Variants in MAD1L1 observed in about 807,000 individuals in gnomAD.
The protein encoded by MAD1L1 is mitotic spindle assembly checkpoint protein MAD1.
MAD1L1 carries 95 observed loss-of-function variants against 96.9 expected under a neutral mutation model. The ratio of observed to expected loss-of-function variants is 0.98; its 90% CI spans 0.83 to 1.16. The LOEUF is 1.16. Ranked by LOEUF, MAD1L1 falls within the 50% of genes most tolerant of loss-of-function variation. The probability of loss-of-function intolerance (pLI) is 0.00; values close to 1 mark genes in which losing one functional copy is unlikely to be tolerated. For synonymous variants in MAD1L1, 473 were observed against 396.6 expected (o/e 1.19, Z -2.29); for missense variants, 1,007 against 954.4 (o/e 1.06, Z -0.73).
chr7:1,915,601 G>A (rs117802289), intron 17 of MAD1L1, among the ~76,000 whole-genome samples: 2,731 of 152,362 alleles, frequency 0.018, 34 homozygotes, highest in South Asian at 0.037. Context: ...GGTCGGCTGC[G>A]TGGGACTGCT....
At chr7:1,929,465 C>T (rs1043945970) in intron 17 of MAD1L1, among the ~76,000 whole-genome samples, 7 of 152,168 alleles carry the variant, frequency 4.6e-5, no homozygotes, top group Admixed American at 1.3e-4. Flanking sequence ...GGCTCCTATC[C>T]GCCAAGGGCC....
At chr7:2,106,266 C>T (rs1296212047) in intron 11 of MAD1L1, among the ~76,000 whole-genome samples, 3 of 152,126 alleles carry the variant, frequency 2.0e-5, no homozygotes, top group Admixed American at 2.0e-4. Context: ...CACGGCAGGC[C>T]GCTTCTCTAT....
chr7:2,061,354 TTAAAA>T (rs141754105), intron 12 of MAD1L1, among the ~76,000 whole-genome samples: 8,857 of 151,360 alleles, frequency 0.059, 378 homozygotes, highest in Admixed American at 0.11. Context: ...AATAATAAAA[TTAAAA>T]TAAAATAAAA....
chr7:1,876,133 T>A (rs1583627997), intron 18 of MAD1L1, among the ~76,000 whole-genome samples: 1 of 151,618 alleles, frequency 6.6e-6, no homozygotes, highest in African/African-American at 2.4e-5. Context: ...CACGGCCAGG[T>A]CTTATTTTGG....
intron 11 of MAD1L1, among the ~76,000 whole-genome samples, chr7:2,132,436 G>GTCCACCAT (rs1229595332): frequency 6.6e-6 from 1 of 151,592 alleles, no homozygotes; most frequent in Admixed American, 6.6e-5. Context: ...GCGACCGCGC[G>GTCCACCAT]TCCACCATCA....
At chr7:2,204,167 G>A (rs1048150206) in intron 10 of MAD1L1, among the ~76,000 whole-genome samples, 7 of 152,194 alleles carry the variant, frequency 4.6e-5, no homozygotes, top group African/African-American at 1.4e-4. Flanking sequence ...AGCCGTGGCC[G>A]TAGGCCTTCC....
rs551003585 is a variant in MAD1L1, at chr7:2,088,788, TC to T, written c.1074-19451del. ...GGGTGCCCCAAAGCACACACCAGAT[TC>T]TCACCAGCAGTGAAGCCAAGTCCAG... On this transcript the variant is annotated intron_variant, in intron 11 of 18. Coordinates refer to ENST00000265854, the MANE Select transcript of MAD1L1 (RefSeq NM_001013836.2). This position sits in a 1 kb window ranked among gnomAD's most constrained non-coding sequence, Gnocchi z 4.4. The T allele has an allele frequency of 5.9e-5, 9 of 152,466 alleles. No individual in the cohort carries two copies. Among genetic ancestry groups the T allele is most frequent in the African/African-American group, 1.9e-4 (8 of 41,550 alleles). 9.4% of individuals were successfully genotyped at this position (152,466 alleles called of 1,614,324 possible).
chr7:1,872,914 G>A (rs1278589720), intron 18 of MAD1L1, among the ~76,000 whole-genome samples: 2 of 152,242 alleles, frequency 1.3e-5, no homozygotes, highest in Non-Finnish European at 2.9e-5. Flanking sequence ...CCAGGGTGGG[G>A]GGCGCGTCAG....
intron 10 of MAD1L1, among the ~76,000 whole-genome samples, chr7:2,161,830 G>A (rs1021374591): frequency 3.0e-4 from 46 of 151,238 alleles, no homozygotes; most frequent in Non-Finnish European, 5.2e-4. Flanking sequence ...ATCTCTGACC[G>A]GCCGCCCTGT....
rs190436241 is a variant in MAD1L1 at position 1,865,565 on chromosome 7, G to A, written c.1998+32635C>T. Among the ~76,000 whole-genome samples, 7 of 152,206 alleles carry A rather than the reference G, an allele frequency of 4.6e-5. 1 individual carries two copies. Among genetic ancestry groups the A allele is most frequent in the Admixed American group, 2.0e-4 (3 of 15,292 alleles). On this transcript the variant is annotated intron_variant, in intron 18 of 18. Transcript: ENST00000265854. ...CAGATGGGAAGATGAGTCTTTTTAC[G>A]ATGCAGGGAGGACTGGAGACCTGAG... is the stretch of plus-strand genomic sequence containing the variant.
intron 18 of MAD1L1, among the ~76,000 whole-genome samples, chr7:1,856,226 C>T (rs962048686): frequency 2.0e-5 from 3 of 152,220 alleles, no homozygotes; most frequent in Non-Finnish European, 4.4e-5. Context: ...ATGGCTGGAC[C>T]GGGGAGGGGT....
chr7:1,897,556 G>A (rs888108335), intron 18 of MAD1L1, among the ~76,000 whole-genome samples: 55 of 152,240 alleles, frequency 3.6e-4, no homozygotes, highest in African/African-American at 1.2e-3. Flanking sequence ...GGAGGTCCAA[G>A]TGGGGCCACC....
intron 10 of MAD1L1, among the ~76,000 whole-genome samples, chr7:2,201,442 C>A (rs117482721): frequency 6.6e-6 from 1 of 152,158 alleles, no homozygotes; most frequent in Admixed American, 6.5e-5. Context: ...GGGGACAGCA[C>A]GCAACAGGAC....
At chr7:1,989,503 C>T (rs988409095) in intron 14 of MAD1L1, among the ~76,000 whole-genome samples, 10 of 152,224 alleles carry the variant, frequency 6.6e-5, no homozygotes, top group African/African-American at 1.4e-4. Context: ...CCCTCGGCGG[C>T]GGGAGCCGCC....
chr7:2,158,017 C>T (rs763956402), intron 10 of MAD1L1, among the ~76,000 whole-genome samples: 2 of 152,228 alleles, frequency 1.3e-5, no homozygotes, highest in Non-Finnish European at 2.9e-5. Flanking sequence ...AGCCTCAGCT[C>T]GGAGATGACA....
chr7:1,885,588 G>A (rs929895477), intron 18 of MAD1L1, among the ~76,000 whole-genome samples: 2 of 152,184 alleles, frequency 1.3e-5, no homozygotes, highest in Admixed American at 1.3e-4. Flanking sequence ...TGCTTCCTGA[G>A]TGGCCCTGCA....
intron 11 of MAD1L1, among the ~76,000 whole-genome samples, chr7:2,137,488 T>C (rs759037878): frequency 6.6e-6 from 1 of 152,162 alleles, no homozygotes; most frequent in Admixed American, 6.5e-5. Context: ...GCTTGGCCCA[T>C]GCAAGTGAGG....
At chr7:2,196,418 G>T (rs1439008322) in intron 10 of MAD1L1, among the ~76,000 whole-genome samples, 2 of 152,170 alleles carry the variant, frequency 1.3e-5, no homozygotes, top group Non-Finnish European at 1.5e-5. Context: ...ATCCAACAAG[G>T]CCGTCTCCAA....
chr7:1,873,529 G>A (rs576805676), intron 18 of MAD1L1, among the ~76,000 whole-genome samples: 2 of 151,932 alleles, frequency 1.3e-5, no homozygotes, highest in Non-Finnish European at 2.9e-5. Context: ...TGAGGGGTAC[G>A]GGCAAAGCAC....
Sources: gnomAD v4.1 joint callset for allele counts (sites outside exome capture counted in the v4.1 genomes callset) on GRCh38, gnomAD v4.1.1 for gene constraint, Gnocchi (gnomAD v3.1) non-coding constraint, MANE v1.5 for transcripts, NCBI Gene and HGNC (gene_info 2026-07-23, HGNC 2026-07-21) for gene names.